Variants in KCNH8 observed in about 807,000 individuals in gnomAD.
The protein encoded by KCNH8 is potassium voltage-gated channel subfamily H member 8.
In KCNH8, 70 loss-of-function variants were observed where a neutral mutation model predicts 103.6. That is an observed-to-expected ratio of 0.68 (90% CI 0.56 to 0.82). KCNH8 has a LOEUF of 0.82. Ranked by LOEUF, KCNH8 falls within the 40% of genes least tolerant of loss-of-function variation. The probability of loss-of-function intolerance (pLI) is 0.00; values close to 1 mark genes in which losing one functional copy is unlikely to be tolerated. For missense variants in KCNH8, 1,217 were observed against 1,329.9 expected (o/e 0.92, Z 1.32); for synonymous variants, 498 against 489.4 (o/e 1.02, Z -0.23).
intron 11 of KCNH8, among the ~76,000 whole-genome samples, chr3:19,502,538 G>T (rs996960125): frequency 6.6e-6 from 1 of 152,162 alleles, no homozygotes; most frequent in Non-Finnish European, 1.5e-5. Flanking sequence ...CAAGGCTACA[G>T]TAACCAAAAT....
chr3:19,171,399 A>G (rs965590444), intron 1 of KCNH8, among the ~76,000 whole-genome samples: 2 of 152,158 alleles, frequency 1.3e-5, no homozygotes, highest in Non-Finnish European at 2.9e-5. Context: ...CTCTATATCT[A>G]TTTATTTCTC....
At chr3:19,463,920 G>A (rs2067684785) in intron 11 of KCNH8, among the ~76,000 whole-genome samples, 2 of 152,112 alleles carry the variant, frequency 1.3e-5, no homozygotes, top group African/African-American at 4.8e-5. Context: ...ATGTAAGTAT[G>A]TAAAATGTAG....
Position 19,451,357 on chromosome 3 carries a change from C to G in KCNH8, c.1778C>G (p.Ser593Trp). 1 of 1,613,586 alleles carries G rather than the reference C, an allele frequency of 6.2e-7. No individual in the cohort carries two copies. Among genetic ancestry groups the G allele is most frequent in the Non-Finnish European group, 8.5e-7 (1 of 1,179,704 alleles). ...DALQAIYFVC[S>W]GSMEVLKDSM... Reference sequence around the variant, plus strand: ...TTGCAGGCCATCTACTTTGTATGCTCGGGCTCCATGGAAGTTCTTAAAGAC... The same window carrying G: ...TTGCAGGCCATCTACTTTGTATGCTGGGGCTCCATGGAAGTTCTTAAAGAC... The change falls in exon 10 of 16, where the codon TCG becomes TGG. Residue 593 changes from serine (S) to tryptophan (W), a missense_variant. This residue lies in a region of KCNH8 where 415 missense variants were observed against 577.4 expected (regional missense o/e 0.72). Coordinates refer to ENST00000328405, the MANE Select transcript of KCNH8 (RefSeq NM_144633.3).
At chr3:19,248,104 G>A (rs908884585) in intron 1 of KCNH8, among the ~76,000 whole-genome samples, 12 of 151,850 alleles carry the variant, frequency 7.9e-5, no homozygotes, top group African/African-American at 2.7e-4. Flanking sequence ...TATATGAAAG[G>A]GTATAATGAA....
intron 6 of KCNH8, among the ~76,000 whole-genome samples, chr3:19,394,745 G>T (rs980721510): frequency 3.9e-5 from 6 of 151,954 alleles, no homozygotes; most frequent in African/African-American, 1.5e-4. Flanking sequence ...AGGGTTGAAA[G>T]AAAATATGTG....
rs180955205 is a variant in KCNH8 at position 19,209,917 on chromosome 3, G to A, written c.77-43737G>A. Among the ~76,000 whole-genome samples, 19 of 152,122 alleles carry A rather than the reference G, an allele frequency of 1.2e-4. No individual in the cohort carries two copies. In the East Asian group the frequency reaches 3.5e-3, roughly 28 times the overall value. On this transcript the variant is annotated intron_variant, in intron 1 of 15. Transcript: ENST00000328405. The stretch of plus-strand genomic sequence containing the variant: ...TAGGTAAGCCCTCAAGTGGGCTTTG[G>A]GAAGAGATTTTTTTGGGGGCGGAAA...
At chr3:19,421,786 T>A (rs1171578708) in intron 7 of KCNH8, among the ~76,000 whole-genome samples, 2 of 152,008 alleles carry the variant, frequency 1.3e-5, no homozygotes, top group Non-Finnish European at 2.9e-5. Flanking sequence ...ATTGTTAATT[T>A]TATTTTTTAT....
intron 3 of KCNH8, among the ~76,000 whole-genome samples, chr3:19,283,511 TA>T (rs2064785407): frequency 1.3e-5 from 2 of 152,146 alleles, no homozygotes; most frequent in Admixed American, 1.3e-4. Flanking sequence ...TTATCTCATA[TA>T]AAAATATTAC....
chr3:19,297,141 A>G (rs1054747562), intron 3 of KCNH8, among the ~76,000 whole-genome samples: 3 of 152,162 alleles, frequency 2.0e-5, no homozygotes, highest in African/African-American at 7.2e-5. Flanking sequence ...AAATGTACTC[A>G]AGAGCATGGA....
chr3:19,450,080 A>G (rs772647648), intron 8 of KCNH8, 26 bp from the exon 9 acceptor site: 27 of 1,600,142 alleles, frequency 1.7e-5, no homozygotes, highest in Middle Eastern at 3.3e-4. Flanking sequence ...TTTCTCTTCC[A>G]TTATATACTG....
At chr3:19,314,082 T>G (rs925537576) in intron 3 of KCNH8, among the ~76,000 whole-genome samples, 1 of 152,026 alleles carries the variant, frequency 6.6e-6, no homozygotes, top group Non-Finnish European at 1.5e-5. Context: ...TCTGAAAGTT[T>G]CAATAAAGCT....
intron 5 of KCNH8, among the ~76,000 whole-genome samples, chr3:19,377,058 A>G (rs2066218657): frequency 6.6e-6 from 1 of 152,260 alleles, no homozygotes; most frequent in Non-Finnish European, 1.5e-5. Flanking sequence ...ACAAATGTCT[A>G]GAATACAATG....
intron 15 of KCNH8, among the ~76,000 whole-genome samples, chr3:19,527,855 T>C (rs542055239): frequency 6.6e-6 from 1 of 152,182 alleles, no homozygotes; most frequent in Admixed American, 6.6e-5. Flanking sequence ...GCTGGGAGAA[T>C]AGACAAGGGA....
intron 1 of KCNH8, among the ~76,000 whole-genome samples, chr3:19,231,235 T>G (rs1449605778): frequency 6.6e-6 from 1 of 152,142 alleles, no homozygotes; most frequent in East Asian, 1.9e-4. Flanking sequence ...ATGATAACAC[T>G]GATTAAAATG....
intron 7 of KCNH8, among the ~76,000 whole-genome samples, chr3:19,419,196 T>TTTTG (rs2066909537): frequency 7.9e-6 from 1 of 126,148 alleles, no homozygotes; most frequent in African/African-American, 3.4e-5. Flanking sequence ...ATGGTTTTGG[T>TTTTG]TTTTTTTTTT....
intron 1 of KCNH8, among the ~76,000 whole-genome samples, chr3:19,158,857 A>C (rs546391588): frequency 6.6e-6 from 1 of 152,046 alleles, no homozygotes; most frequent in Non-Finnish European, 1.5e-5. Context: ...TAAATAATAA[A>C]AATTTTGCCT....
intron 15 of KCNH8, among the ~76,000 whole-genome samples, 191 bp from the exon 16 acceptor site, chr3:19,533,203 CA>C (rs201886115): frequency 1.8e-3 from 118 of 64,898 alleles, no homozygotes; most frequent in Admixed American, 3.0e-3. Context: ...GACTCCGTCT[CA>C]AAAAAAAAAA....
At chr3:19,504,982 T>TATAC (rs2068662994) in intron 11 of KCNH8, among the ~76,000 whole-genome samples, 1 of 150,880 alleles carries the variant, frequency 6.6e-6, no homozygotes, top group Non-Finnish European at 1.5e-5. Flanking sequence ...TATATATATA[T>TATAC]ACACATATAT....
chr3:19,451,837 C>G (rs1366655176), intron 10 of KCNH8, among the ~76,000 whole-genome samples: 1 of 152,034 alleles, frequency 6.6e-6, no homozygotes, highest in Non-Finnish European at 1.5e-5. Flanking sequence ...AGAAATAGAG[C>G]AAAGGTGACT....
Sources: allele counts gnomAD v4.1 joint callset (sites outside exome capture counted in the v4.1 genomes callset), GRCh38; gene constraint gnomAD v4.1.1; regional missense constraint gnomAD v4.1.1; transcripts MANE v1.5; gene names NCBI Gene and HGNC (gene_info 2026-07-23, HGNC 2026-07-21).